NPAS2: variants seen among roughly 807,000 people sequenced by gnomAD.
NPAS2 encodes the protein neuronal PAS domain protein 2, also known as neuronal PAS domain-containing protein 2.
A neutral mutation model predicts 107.5 loss-of-function variants in NPAS2; 23 were observed. That is an observed-to-expected ratio of 0.21 (90% CI 0.15 to 0.30). The LOEUF (loss-of-function observed/expected upper bound fraction) is 0.30, where lower values mean the gene tolerates loss of function less well. NPAS2 is among the 10% of genes least tolerant of loss of function. NPAS2 has a pLI of 1.00. For synonymous variants in NPAS2, 403 were observed against 417.5 expected (o/e 0.97, Z 0.42); for missense variants, 756 against 1,043.3 (o/e 0.72, Z 3.79).
At chr2:100,963,172 G>T (rs1409042629) in intron 7 of NPAS2, among the ~76,000 whole-genome samples, 1 of 152,212 alleles carries the variant, frequency 6.6e-6, no homozygotes, top group Admixed American at 6.5e-5. Flanking sequence ...CCCTGTATCA[G>T]CCTGGGCTCC....
At chr2:100,910,317 G>C (rs1200024784) in intron 2 of NPAS2, among the ~76,000 whole-genome samples, 1 of 151,778 alleles carries the variant, frequency 6.6e-6, no homozygotes. Context: ...TTCCCATTTG[G>C]GCCCAGACAC....
At chr2:100,908,040 G>A (rs1370305310) in intron 2 of NPAS2, among the ~76,000 whole-genome samples, 4 of 152,128 alleles carry the variant, frequency 2.6e-5, no homozygotes, top group Non-Finnish European at 5.9e-5. Context: ...GTGTGCACGT[G>A]CATGCGCGTG....
intron 1 of NPAS2, among the ~76,000 whole-genome samples, chr2:100,841,914 T>C (rs1370951429): frequency 1.3e-5 from 2 of 152,140 alleles, no homozygotes; most frequent in African/African-American, 4.8e-5. Context: ...CACATATAAC[T>C]GCACATGTAT....
chr2:100,891,940 G>A (rs547882445), intron 1 of NPAS2, among the ~76,000 whole-genome samples: 62 of 152,258 alleles, frequency 4.1e-4, no homozygotes, highest in Non-Finnish European at 8.5e-4. Flanking sequence ...TGTGGCAGCC[G>A]AACAGCGGTT....
intron 1 of NPAS2, among the ~76,000 whole-genome samples, chr2:100,889,024 G>C (rs1017466027): frequency 3.9e-5 from 6 of 152,352 alleles, no homozygotes; most frequent in Middle Eastern, 3.4e-3. Context: ...AGTGACAGAT[G>C]TAAGGAGAGG....
chr2:100,947,552 C>CA (rs35943087), intron 5 of NPAS2, among the ~76,000 whole-genome samples: 17,483 of 137,906 alleles, frequency 0.13, 1,638 homozygotes, highest in East Asian at 0.44. Context: ...CACTCTGTCT[C>CA]AAAAAAAAAA....
chr2:100,944,625 A>C (rs1403933086), intron 5 of NPAS2, among the ~76,000 whole-genome samples: 1 of 152,214 alleles, frequency 6.6e-6, no homozygotes, highest in African/African-American at 2.4e-5. Flanking sequence ...AAAAATTTCA[A>C]GTTATCATTG....
chr2:100,852,265 T>C (rs34011736), intron 1 of NPAS2, among the ~76,000 whole-genome samples: 32,833 of 151,660 alleles, frequency 0.22, 3,698 homozygotes, highest in Admixed American at 0.32. Context: ...GGCGTGGTGG[T>C]GGGTGCCTGT....
chr2:100,967,093 A>C (rs1348638064), intron 10 of NPAS2, among the ~76,000 whole-genome samples: 1 of 152,114 alleles, frequency 6.6e-6, no homozygotes, highest in African/African-American at 2.4e-5. Context: ...CTATTTTAAC[A>C]AGATCCCGAA....
At chr2:100,916,830 G>A (rs1264819771) in intron 2 of NPAS2, among the ~76,000 whole-genome samples, 3 of 152,124 alleles carry the variant, frequency 2.0e-5, no homozygotes, top group African/African-American at 7.2e-5. Flanking sequence ...TAAAACAAAT[G>A]TAAATAAATT....
chr2:100,834,038 A>C (rs1210032891), intron 1 of NPAS2, among the ~76,000 whole-genome samples: 6 of 152,154 alleles, frequency 3.9e-5, no homozygotes, highest in African/African-American at 1.4e-4. Context: ...CACCTTTTCC[A>C]GGTAAAAACT....
At position 100,968,184 on chromosome 2, in the gene NPAS2, CT is replaced by C. The variant is rs571994064; in HGVS notation, c.908-88del. On this transcript the variant is annotated intron_variant, in intron 10 of 20. Coordinates refer to ENST00000335681, the MANE Select transcript of NPAS2 (RefSeq NM_002518.4). The surrounding 1 kb of genome is among the most constrained non-coding windows in gnomAD (Gnocchi z 5.3). ...GGAAACAAGCCATGTTTGGTATTGTCTTTTTTTTTGAAAGCTTATCTTTACA... is the reference window on the plus strand; with the variant it reads ...GGAAACAAGCCATGTTTGGTATTGTCTTTTTTTTGAAAGCTTATCTTTACA... 975 of 1,314,726 alleles carry C rather than the reference CT, an allele frequency of 7.4e-4. 1 individual carries two copies. The highest frequency in any genetic ancestry group is 3.1e-3 in the African/African-American group (211 of 68,342). The allele number at this position is 1,314,726 out of a possible 1,614,324, so 81.4% of individuals were successfully genotyped here. A position where few individuals can be genotyped will look rare whatever the true frequency, so the allele number is the denominator to read the frequency against.
intron 1 of NPAS2, among the ~76,000 whole-genome samples, chr2:100,851,948 C>T (rs1678201730): frequency 6.6e-6 from 1 of 152,174 alleles, no homozygotes; most frequent in Non-Finnish European, 1.5e-5. Flanking sequence ...TTGCCTGCTA[C>T]AGGTAGACCC....
chr2:100,991,493 T>C (rs1678128430), intron 19 of NPAS2, among the ~76,000 whole-genome samples: 1 of 152,204 alleles, frequency 6.6e-6, no homozygotes, highest in Non-Finnish European at 1.5e-5. Flanking sequence ...ATGTTAACAC[T>C]GGTTGACTTT....
At chr2:100,873,068 T>C (rs1679675422) in intron 1 of NPAS2, among the ~76,000 whole-genome samples, 1 of 151,358 alleles carries the variant, frequency 6.6e-6, no homozygotes, top group Non-Finnish European at 1.5e-5. Context: ...TTTGGGAGGC[T>C]GGGGTGGGCA....
intron 1 of NPAS2, among the ~76,000 whole-genome samples, chr2:100,899,907 G>T (rs2104747659): frequency 6.6e-6 from 1 of 152,256 alleles, no homozygotes; most frequent in Admixed American, 6.5e-5. Flanking sequence ...GGTGGGGGTG[G>T]TGGTGAATAA....
intron 12 of NPAS2, among the ~76,000 whole-genome samples, chr2:100,974,394 A>C (rs538194878): frequency 6.6e-6 from 1 of 152,330 alleles, no homozygotes; most frequent in African/African-American, 2.4e-5. Flanking sequence ...GGAAGGACCC[A>C]GGAAGGTCCA....
At chr2:100,916,465 C>G (rs1263814738) in intron 2 of NPAS2, among the ~76,000 whole-genome samples, 1 of 151,992 alleles carries the variant, frequency 6.6e-6, no homozygotes, top group East Asian at 1.9e-4. Context: ...CTATTAATAT[C>G]AAATGAAATA....
intron 1 of NPAS2, among the ~76,000 whole-genome samples, chr2:100,887,176 C>G (rs932518801): frequency 1.3e-5 from 2 of 152,298 alleles, no homozygotes; most frequent in Middle Eastern, 3.4e-3. Context: ...TGTGCTGGGC[C>G]CTCCTGAGAC....
Sources: allele counts gnomAD v4.1 joint callset (sites outside exome capture counted in the v4.1 genomes callset), GRCh38; gene constraint gnomAD v4.1.1; non-coding constraint Gnocchi (gnomAD v3.1); transcripts MANE v1.5; gene names NCBI Gene and HGNC (gene_info 2026-07-23, HGNC 2026-07-21).